TCF3: variants seen among roughly 807,000 people sequenced by gnomAD.
TCF3 encodes the protein transcription factor E2-alpha.
A neutral mutation model predicts 72.3 loss-of-function variants in TCF3; 54 were observed. That is an observed-to-expected ratio of 0.75 (90% CI 0.60 to 0.94). The LOEUF (loss-of-function observed/expected upper bound fraction) is 0.94, where lower values mean the gene tolerates loss of function less well. Among genes scored for constraint, TCF3 ranks in the 40% least tolerant of loss-of-function variants. The pLI, the probability that TCF3 is intolerant of heterozygous loss-of-function variation, is 0.00. For synonymous variants in TCF3, 525 were observed against 412.6 expected, an observed-to-expected ratio of 1.27 and a Z score of -3.30; for missense variants, 1,078 against 934.4, an observed-to-expected ratio of 1.15 and a Z score of -2.00.
At chr19:1,650,998 C>T in intron 1 of TCF3, 1 of 231,302 alleles carries the variant, frequency 4.3e-6, no homozygotes, top group East Asian at 6.1e-5. Flanking sequence ...GCTTTACTGT[C>T]GCGATGTATC....
chr19:1,618,453 ATCCCAAGTCC>A (rs2061779609), intron 16 of TCF3, among the ~76,000 whole-genome samples: 1 of 151,876 alleles, frequency 6.6e-6, no homozygotes, highest in Non-Finnish European at 1.5e-5. Flanking sequence ...TCATGGCCAA[ATCCCAAGTCC>A]TCCCCGCAGC....
intron 18 of TCF3, among the ~76,000 whole-genome samples, chr19:1,613,093 T>C (rs1373983408): frequency 6.8e-6 from 1 of 147,860 alleles, no homozygotes; most frequent in Non-Finnish European, 1.5e-5. Flanking sequence ...GGTGTGGGTG[T>C]GGACAGCAGT....
intron 2 of TCF3, among the ~76,000 whole-genome samples, chr19:1,647,373 G>C (rs953454168): frequency 6.6e-6 from 1 of 152,226 alleles, no homozygotes; most frequent in African/African-American, 2.4e-5. Flanking sequence ...GCTTTCTGAG[G>C]AGCAGCCAAG....
Position 1,632,128 on chromosome 19 carries a change from G to A in TCF3, c.220-12C>T, listed in dbSNP as rs1255411388. 1.9e-6 allele frequency: 3 copies of A among 1,611,658 alleles called. No individual in the cohort carries two copies. Among genetic ancestry groups the A allele is most frequent in the Non-Finnish European group, 2.5e-6 (3 of 1,179,020 alleles). ...CCCTCGCTGAAGGTCTAGGGGAGATGGGGTGGGGATGAGAGGTGCTGGGGC... is the reference window on the plus strand; with the variant it reads ...CCCTCGCTGAAGGTCTAGGGGAGATAGGGTGGGGATGAGAGGTGCTGGGGC... On this transcript the variant is annotated splice_polypyrimidine_tract_variant and intron_variant, in intron 4 of 18. Coordinates refer to ENST00000262965, the MANE Select transcript of TCF3 (RefSeq NM_003200.5).
At chr19:1,647,623 G>A (rs781343335) in intron 2 of TCF3, among the ~76,000 whole-genome samples, 10 of 152,142 alleles carry the variant, frequency 6.6e-5, no homozygotes, top group Admixed American at 5.9e-4. Context: ...CGCAGGCTCC[G>A]GTGCACCCAG....
Position 1,648,860 on chromosome 19 carries a change from G to A in TCF3, c.72+1317C>T, listed in dbSNP as rs1217000857. Reference sequence around the variant, plus strand: ...AGAATTTAAGGACATCTGTAGACAGGCCAGAAGAAACAAACCAAGGTCCCT... The same window carrying A: ...AGAATTTAAGGACATCTGTAGACAGACCAGAAGAAACAAACCAAGGTCCCT... On this transcript the variant is annotated intron_variant, in intron 2 of 18. Coordinates refer to ENST00000262965, the MANE Select transcript of TCF3 (RefSeq NM_003200.5). Among the ~76,000 whole-genome samples the A allele has an allele frequency of 2.0e-5, 3 of 151,246 alleles. No individual in the cohort carries two copies. In the East Asian group the frequency reaches 5.9e-4, roughly 30 times the overall value.
At chr19:1,612,707 T>G (rs2061144142) in intron 18 of TCF3, among the ~76,000 whole-genome samples, 1 of 144,602 alleles carries the variant, frequency 6.9e-6, no homozygotes, top group African/African-American at 2.6e-5. Flanking sequence ...GCAGTGCGGG[T>G]ACACGGCTGG....
chr19:1,632,174 C>T, intron 4 of TCF3, 58 bp from the exon 5 acceptor site: 15 of 1,582,108 alleles, frequency 9.5e-6, no homozygotes, highest in Non-Finnish European at 1.2e-5. Flanking sequence ...CCCCCTCCAC[C>T]CCGCATTACA....
rs1374875669 is a variant in TCF3 at position 1,625,669 on chromosome 19, C to T, written c.406G>A (p.Gly136Arg). The T allele has an allele frequency of 1.0e-5, 16 of 1,528,524 alleles. No individual in the cohort carries two copies. The Admixed American group carries it at 1.4e-4, about 13-fold the overall frequency. 94.7% of individuals were successfully genotyped at this position (1,528,524 alleles called of 1,614,324 possible). The change falls in exon 7 of 19, where the codon GGG (glycine) becomes AGG (arginine). Residue 136 changes from glycine (G) to arginine (R), a missense_variant. By Grantham distance (125) the Gly-to-Arg change is moderately radical. Coordinates refer to ENST00000262965, the MANE Select transcript of TCF3 (RefSeq NM_003200.5). ...LSGELALNSP[G>R]PLSPSGMKGT... ...TTCATGCCCGAAGGGGACAGGGGCCCGGGGCTGTTGAGGGCCAGCTCGCCT... is the reference window on the plus strand; with the variant it reads ...TTCATGCCCGAAGGGGACAGGGGCCTGGGGCTGTTGAGGGCCAGCTCGCCT...
At position 1,609,665 on chromosome 19, in the gene TCF3, G is replaced by A. The variant is rs1314529426; in HGVS notation, c.*2042C>T. On this transcript the variant is annotated 3_prime_UTR_variant, in exon 19 of 19. Coordinates refer to ENST00000262965, the MANE Select transcript of TCF3 (RefSeq NM_003200.5). ...GTTCCCTTAAGAGATCAAACTCCCA[G>A]GGCGTAGGGGAAGCCACCGAGAAGG... 8.9e-6 allele frequency: 2 copies of A among 225,356 alleles called. No individual in the cohort carries two copies. Among genetic ancestry groups the A allele is most frequent in the Non-Finnish European group, 1.8e-5 (2 of 113,688 alleles). The allele number at this position is 225,356 out of a possible 1,614,324, so 14.0% of individuals were successfully genotyped here. A position where few individuals can be genotyped will look rare whatever the true frequency, so the allele number is the denominator to read the frequency against.
chr19:1,627,448 T>C, intron 5 of TCF3, 22 bp from the exon 6 acceptor site: 1 of 1,610,654 alleles, frequency 6.2e-7, no homozygotes, highest in Middle Eastern at 1.7e-4. Flanking sequence ...GAAGGAAGGT[T>C]AGTGGGAGGC....
intron 2 of TCF3, among the ~76,000 whole-genome samples, chr19:1,649,390 G>A (rs899860644): frequency 7.2e-5 from 11 of 152,024 alleles, no homozygotes; most frequent in African/African-American, 2.7e-4. Flanking sequence ...ACGGAGGGTG[G>A]TCCGCTCAGC....
chr19:1,626,291 G>C (rs1568399524), intron 6 of TCF3, among the ~76,000 whole-genome samples: 1 of 152,028 alleles, frequency 6.6e-6, no homozygotes, highest in African/African-American at 2.4e-5. Flanking sequence ...TCTCTACAAA[G>C]AATACAAAAT....
At chr19:1,642,157 C>CGT (rs1476439471) in intron 3 of TCF3, among the ~76,000 whole-genome samples, 1 of 151,690 alleles carries the variant, frequency 6.6e-6, no homozygotes, top group African/African-American at 2.4e-5. Context: ...CACACACACA[C>CGT]ACACACACGC....
At chr19:1,623,330 C>A (rs2062478212) in intron 8 of TCF3, among the ~76,000 whole-genome samples, 1 of 151,400 alleles carries the variant, frequency 6.6e-6, no homozygotes, top group Non-Finnish European at 1.5e-5. Flanking sequence ...GGATGCGGGG[C>A]AGCCTGAAGC....
intron 3 of TCF3, among the ~76,000 whole-genome samples, chr19:1,635,793 C>G (rs2064315917): frequency 6.6e-6 from 1 of 152,160 alleles, no homozygotes. Context: ...ACTGAACAAC[C>G]CAGTCCCCAA....
chr19:1,652,227 G>A (rs1235145945), intron 1 of TCF3, 73 bp downstream of exon 1: 1 of 146,842 alleles, frequency 6.8e-6, no homozygotes, highest in Admixed American at 6.7e-5. Context: ...AAGCGCGCGC[G>A]GGGCGGGCCG....
At chr19:1,626,406 C>G (rs189332786) in intron 6 of TCF3, among the ~76,000 whole-genome samples, 12 of 151,936 alleles carry the variant, frequency 7.9e-5, no homozygotes, top group Non-Finnish European at 1.5e-4. Context: ...GCCAAGATTG[C>G]GCCATTGAAC....
chr19:1,623,854 C>T (rs2062556423), intron 8 of TCF3, 97 bp downstream of exon 8: 4 of 1,291,930 alleles, frequency 3.1e-6, no homozygotes, highest in East Asian at 2.5e-5. Flanking sequence ...CCACTCAGGG[C>T]CCACCCCGCC....
Sources: gnomAD v4.1 joint callset for allele counts (sites outside exome capture counted in the v4.1 genomes callset) on GRCh38, gnomAD v4.1.1 for gene constraint, MANE v1.5 for transcripts, NCBI Gene and HGNC (gene_info 2026-07-23, HGNC 2026-07-21) for gene names.